Variants in TEC observed in about 807,000 individuals in gnomAD.
TEC encodes tec protein tyrosine kinase.
Under a neutral mutation model 93.0 loss-of-function variants are expected in TEC, and 72 were observed. The observed-to-expected ratio is 0.77, with a 90% CI of 0.64 to 0.94. The LOEUF (loss-of-function observed/expected upper bound fraction) is 0.94. TEC is among the 40% of genes least tolerant of loss of function. The probability of loss-of-function intolerance (pLI) is 0.00; values close to 1 mark genes in which losing one functional copy is unlikely to be tolerated. For missense variants in TEC, 630 were observed against 757.9 expected, an observed-to-expected ratio of 0.83 and a Z score of 1.98; for synonymous variants, 249 against 247.7, an observed-to-expected ratio of 1.01 and a Z score of -0.05.
intron 9 of TEC, among the ~76,000 whole-genome samples, chr4:48,152,687 G>C (rs971989091): frequency 2.0e-5 from 3 of 152,096 alleles, no homozygotes; most frequent in African/African-American, 7.2e-5. Flanking sequence ...GCCAGGATTT[G>C]GTCCCCAGGC....
At chr4:48,149,763 A>G (rs1720080041) in intron 10 of TEC, 73 bp from the exon 11 acceptor site, 3 of 1,473,050 alleles carry the variant, frequency 2.0e-6, no homozygotes, top group South Asian at 2.8e-5. Flanking sequence ...GTTTTCTACA[A>G]GGGCAACCAC....
chr4:48,222,225 C>T (rs943314586), intron 2 of TEC, among the ~76,000 whole-genome samples: 4 of 151,802 alleles, frequency 2.6e-5, no homozygotes, highest in East Asian at 1.9e-4. Flanking sequence ...AGCAAAGGCA[C>T]GATGTGAAAG....
chr4:48,199,725 C>T (rs924355575), intron 2 of TEC, among the ~76,000 whole-genome samples: 8 of 152,134 alleles, frequency 5.3e-5, no homozygotes, highest in African/African-American at 1.9e-4. Context: ...CCTCGGCCTC[C>T]CAAAGTGCTG....
At chr4:48,234,406 A>G (rs1277432656) in intron 1 of TEC, among the ~76,000 whole-genome samples, 1 of 152,200 alleles carries the variant, frequency 6.6e-6, no homozygotes, top group Non-Finnish European at 1.5e-5. Context: ...CCCTCCCCCA[A>G]TAGATGATGA....
chr4:48,221,899 A>G (rs1465181662), intron 2 of TEC, among the ~76,000 whole-genome samples: 2 of 152,202 alleles, frequency 1.3e-5, no homozygotes, highest in Non-Finnish European at 2.9e-5. Context: ...GCCAAAATGT[A>G]TATTTCTTAT....
chr4:48,145,640 A>AG lies in TEC; in HGVS notation c.1082-62dup, dbSNP rs1719877244. Reference sequence around the variant, plus strand: ...AAGGAAAATGTAGCATGAATCAGAGAGGGGGAAAAAGAACCTACAACCAAG... The same window carrying AG: ...AAGGAAAATGTAGCATGAATCAGAGAGGGGGGAAAAAGAACCTACAACCAAG... On this transcript the variant is annotated intron_variant, in intron 12 of 17. Coordinates refer to ENST00000381501, the MANE Select transcript of TEC (RefSeq NM_003215.3). The AG allele has an allele frequency of 3.2e-6, 5 of 1,566,462 alleles. No individual in the cohort carries two copies. In the East Asian group the frequency reaches 9.0e-5, roughly 28 times the overall value.
chr4:48,212,641 C>G (rs1722951282), intron 2 of TEC, among the ~76,000 whole-genome samples: 1 of 152,138 alleles, frequency 6.6e-6, no homozygotes. Context: ...AATGTAAGAA[C>G]AGGAGGAAAC....
At chr4:48,164,346 G>T (rs1343339826) in intron 7 of TEC, among the ~76,000 whole-genome samples, 2 of 152,120 alleles carry the variant, frequency 1.3e-5, no homozygotes, top group African/African-American at 4.8e-5. Flanking sequence ...CAATAAATGT[G>T]AACTGAGAAG....
chr4:48,212,169 C>A (rs1722933802), intron 2 of TEC, among the ~76,000 whole-genome samples: 1 of 146,086 alleles, frequency 6.8e-6, no homozygotes, highest in Non-Finnish European at 1.5e-5. Context: ...TTTTTTTCTG[C>A]TGGTCTCTCT....
At chr4:48,205,385 G>A (rs578158743) in intron 2 of TEC, among the ~76,000 whole-genome samples, 1 of 152,292 alleles carries the variant, frequency 6.6e-6, no homozygotes, top group East Asian at 1.9e-4. Flanking sequence ...CATCATGCAG[G>A]GGCCGGAGAT....
intron 1 of TEC, among the ~76,000 whole-genome samples, chr4:48,254,595 A>C (rs746748820): frequency 6.6e-6 from 1 of 152,250 alleles, no homozygotes; most frequent in African/African-American, 2.4e-5. Flanking sequence ...AAAACTGGGG[A>C]TAAGAGGCAA....
chr4:48,167,338 GA>G (rs948045020), intron 7 of TEC, among the ~76,000 whole-genome samples: 14 of 152,044 alleles, frequency 9.2e-5, no homozygotes, highest in African/African-American at 2.4e-4. Flanking sequence ...GAGAGAGAAA[GA>G]AGTGAGAAGA....
In TEC at chr4:48,167,995, T is replaced by C. The variant is rs765055523; in HGVS notation, c.496-42A>G. 1.2e-5 allele frequency: 19 copies of C among 1,581,892 alleles called. No homozygotes were observed. The South Asian group carries it at 1.9e-4, about 16-fold the overall frequency. Reference sequence around the variant, plus strand: ...ACATTTGAAAGTTTAGTCTTCTATATGAAACTGATCATGAATCAAAACACT... The same window carrying C: ...ACATTTGAAAGTTTAGTCTTCTATACGAAACTGATCATGAATCAAAACACT... On this transcript the variant is annotated intron_variant, in intron 6 of 17. Transcript: ENST00000381501.
chr4:48,265,370 G>A (rs1258194036), intron 1 of TEC, among the ~76,000 whole-genome samples: 4 of 148,592 alleles, frequency 2.7e-5, no homozygotes, highest in Non-Finnish European at 5.9e-5. Context: ...TTACCAATGA[G>A]ATAGATATAT....
At position 48,139,024 on chromosome 4, in the gene TEC, T is replaced by C; in HGVS notation, c.1536-2A>G. The C allele has an allele frequency of 6.2e-7, 1 of 1,610,290 alleles. No individual in the cohort carries two copies. The highest frequency in any genetic ancestry group is 8.5e-7 in the Non-Finnish European group (1 of 1,176,544). On this transcript the variant is annotated splice_acceptor_variant, in intron 15 of 17. Transcript: ENST00000381501. LOFTEE classifies it high-confidence loss of function. ...GTGTACTGATCATCCAGAACATACC[T>C]AGAGTAAGACACACCATGGGTTTAC...
chr4:48,171,060 A>C (rs565298117), intron 4 of TEC, among the ~76,000 whole-genome samples: 82 of 152,300 alleles, frequency 5.4e-4, no homozygotes, highest in African/African-American at 1.9e-3. Flanking sequence ...CAAAAAAAAA[A>C]CAAGAAAACA....
At chr4:48,148,085 G>A (rs1032941378) in intron 11 of TEC, among the ~76,000 whole-genome samples, 13 of 152,214 alleles carry the variant, frequency 8.5e-5, no homozygotes, top group Admixed American at 7.9e-4. Context: ...GGGCTGGGCT[G>A]GTGAAGGGGG....
chr4:48,255,647 G>A (rs1448093148), intron 1 of TEC, among the ~76,000 whole-genome samples: 2 of 152,224 alleles, frequency 1.3e-5, no homozygotes, highest in South Asian at 2.1e-4. Context: ...TTTACTAGCT[G>A]TATGACCTCA....
At chr4:48,177,660 G>C (rs1721384208) in intron 2 of TEC, among the ~76,000 whole-genome samples, 1 of 152,088 alleles carries the variant, frequency 6.6e-6, no homozygotes, top group Non-Finnish European at 1.5e-5. Flanking sequence ...ACACCCCCTT[G>C]ACACTTGATA....
Sources: gnomAD v4.1 joint callset for allele counts (sites outside exome capture counted in the v4.1 genomes callset) on GRCh38, gnomAD v4.1.1 for gene constraint, MANE v1.5 for transcripts, NCBI Gene and HGNC (gene_info 2026-07-23, HGNC 2026-07-21) for gene names.